TMEM132E: variants seen among roughly 807,000 people sequenced by gnomAD.
The protein encoded by TMEM132E is transmembrane protein 132E.
Under a neutral mutation model 78.5 loss-of-function variants are expected in TMEM132E, and 49 were observed. The observed-to-expected ratio is 0.62, with a 90% CI of 0.50 to 0.79. The LOEUF is 0.79. TMEM132E is among the 30% of genes least tolerant of loss of function. The pLI is 0.00. For missense variants in TMEM132E, 1,403 were observed against 1,470.9 expected, an observed-to-expected ratio of 0.95 and a Z score of 0.75; for synonymous variants, 715 against 670.6, an observed-to-expected ratio of 1.07 and a Z score of -1.02.
At chr17:34,601,022 G>A (rs1906222295) in intron 1 of TMEM132E, among the ~76,000 whole-genome samples, 1 of 152,190 alleles carries the variant, frequency 6.6e-6, no homozygotes, top group Non-Finnish European at 1.5e-5. Flanking sequence ...GGAGGCCATT[G>A]GGCTGGACAA....
At chr17:34,636,850 A>G (rs756619291) in intron 8 of TMEM132E, among the ~76,000 whole-genome samples, 2 of 152,216 alleles carry the variant, frequency 1.3e-5, no homozygotes, top group Non-Finnish European at 1.5e-5. Flanking sequence ...TTCCAGCAGC[A>G]GAAGGGACTT....
Position 34,637,629 on chromosome 17 carries a change from C to T in TMEM132E, c.2622C>T (p.Pro874=), listed in dbSNP as rs758993709. 1.9e-6 allele frequency: 3 copies of T among 1,604,912 alleles called. No homozygotes were observed. The South Asian group carries it at 3.3e-5, about 18-fold the overall frequency. ...VPPTEDFLPL[P]TGFLQVPRGL... is the part of the protein sequence containing the mutation. ...CCACAGAAGACTTCCTGCCGCTGCC[C>T]ACCGGCTTCCTGCAGGTGCCACGGG... The change falls in exon 9 of 9, where the codon CCC becomes CCT. Residue 874 remains proline, a synonymous_variant. Coordinates refer to ENST00000631683, the MANE Select transcript of TMEM132E (RefSeq NM_001304438.2).
intron 2 of TMEM132E, among the ~76,000 whole-genome samples, chr17:34,627,664 G>T (rs955480959): frequency 2.0e-5 from 3 of 152,074 alleles, no homozygotes; most frequent in African/African-American, 7.2e-5. Context: ...TTCACACTAG[G>T]AATCTGTGGT....
At position 34,638,192 on chromosome 17, in the gene TMEM132E, A is replaced by G. The variant is rs1453508713; in HGVS notation, c.3185A>G (p.Asp1062Gly). The G allele has an allele frequency of 1.5e-5, 24 of 1,604,460 alleles. No individual in the cohort carries two copies. The highest frequency in any genetic ancestry group is 2.0e-5 in the Non-Finnish European group (24 of 1,176,872). ...AGPTRPTAPP[D>G]LHNYMRRIKE... ...CCCACGCGGCCCACTGCACCCCCGGACCTGCACAATTACATGCGCAGAATC... is the reference window on the plus strand; with the variant it reads ...CCCACGCGGCCCACTGCACCCCCGGGCCTGCACAATTACATGCGCAGAATC... The change falls in exon 9 of 9, where the codon GAC becomes GGC. Residue 1062 changes from aspartate (D) to glycine (G), a missense_variant. Asp to Gly is a moderately conservative substitution (Grantham distance 94). Transcript: ENST00000631683.
At chr17:34,637,091 C>A in intron 8 of TMEM132E, 86 bp from the exon 9 acceptor site, 1 of 1,222,968 alleles carries the variant, frequency 8.2e-7, no homozygotes. Context: ...ACCCGTGGTC[C>A]CTGCCCCTAC....
intron 1 of TMEM132E, among the ~76,000 whole-genome samples, chr17:34,619,329 C>T (rs73284078): frequency 0.057 from 8,631 of 151,418 alleles, 677 homozygotes; most frequent in East Asian, 0.17. Context: ...ACAGCCTCTT[C>T]AGCATCTTCA....
chr17:34,603,858 C>G (rs1273525982), intron 1 of TMEM132E, among the ~76,000 whole-genome samples: 2 of 152,224 alleles, frequency 1.3e-5, no homozygotes, highest in Non-Finnish European at 2.9e-5. Flanking sequence ...TCTCCTGTGG[C>G]TATTCCATGA....
At position 34,609,342 on chromosome 17, in the gene TMEM132E, G is replaced by A. The variant is rs576651382; in HGVS notation, c.68-16785G>A. Among the ~76,000 whole-genome samples the A allele has an allele frequency of 2.8e-4, 43 of 152,278 alleles. No individual in the cohort carries two copies. In the South Asian group the frequency reaches 7.7e-3, roughly 27 times the overall value. ...AGTGAAGTGAGATGGGGAGAGGTGG[G>A]GAGGAAGAGGAACACAACTGTGAGC... On this transcript the variant is annotated intron_variant, in intron 1 of 8. Coordinates refer to ENST00000631683, the MANE Select transcript of TMEM132E (RefSeq NM_001304438.2).
chr17:34,628,521 T>C, intron 2 of TMEM132E, 42 bp from the exon 3 acceptor site: 1 of 1,610,100 alleles, frequency 6.2e-7, no homozygotes, highest in African/African-American at 1.3e-5. Flanking sequence ...CTTTGGGCTG[T>C]AGCCTGACCC....
intron 4 of TMEM132E, 55 bp downstream of exon 4, chr17:34,629,259 A>G: frequency 6.4e-7 from 1 of 1,571,646 alleles, no homozygotes; most frequent in Non-Finnish European, 8.7e-7. Flanking sequence ...ATGTGTGCAC[A>G]TTTGTGTGAC....
intron 1 of TMEM132E, among the ~76,000 whole-genome samples, chr17:34,609,436 G>A (rs1452561916): frequency 6.6e-6 from 1 of 152,192 alleles, no homozygotes; most frequent in African/African-American, 2.4e-5. Flanking sequence ...CAGAACCAGA[G>A]CAGGGGAGCT....
chr17:34,614,305 C>T (rs1486758343), intron 1 of TMEM132E: 1 of 152,296 alleles, frequency 6.6e-6, no homozygotes, highest in Non-Finnish European at 1.5e-5. Flanking sequence ...CCCTGAGACC[C>T]CCACGCAGCC....
rs754416402 is a variant in TMEM132E at position 34,637,188 on chromosome 17, G to A, written c.2181G>A (p.Leu727=). The change falls in exon 9 of 9, where the codon CTG becomes CTA. Residue 727 remains leucine, a synonymous_variant. Transcript: ENST00000631683. ...TLSFLKQEAL[L]SLWLSYSDGT... is the part of the protein sequence containing the mutation. ...TCCTTCTCCTCCAGGAAGCCCTACT[G>A]AGCCTCTGGCTCTCCTACAGTGATG... The A allele has an allele frequency of 6.2e-7, 1 of 1,601,080 alleles. No homozygotes were observed. The highest frequency in any genetic ancestry group is 1.7e-5 in the Admixed American group (1 of 59,688).
intron 1 of TMEM132E, among the ~76,000 whole-genome samples, chr17:34,586,141 CCT>C (rs1905669296): frequency 6.6e-6 from 1 of 152,112 alleles, no homozygotes; most frequent in Admixed American, 6.5e-5. Context: ...CAAGCACACG[CCT>C]CTCTCCCCTG....
chr17:34,617,260 C>A (rs1412837979), intron 1 of TMEM132E, among the ~76,000 whole-genome samples: 1 of 152,248 alleles, frequency 6.6e-6, no homozygotes, highest in African/African-American at 2.4e-5. Flanking sequence ...CGCAGCAGAT[C>A]AGTGACAGAG....
chr17:34,628,456 C>G, intron 2 of TMEM132E, 107 bp from the exon 3 acceptor site: 2 of 1,327,428 alleles, frequency 1.5e-6, no homozygotes, highest in Non-Finnish European at 2.0e-6. Context: ...GGTAACTTAG[C>G]TTATCTGTTC....
intron 1 of TMEM132E, among the ~76,000 whole-genome samples, chr17:34,602,858 C>G (rs1906285983): frequency 6.6e-6 from 1 of 152,286 alleles, no homozygotes; most frequent in Admixed American, 6.5e-5. Context: ...CCATTGGCGC[C>G]AAGGGCAGAA....
chr17:34,615,712 G>A (rs549103770), intron 1 of TMEM132E, among the ~76,000 whole-genome samples: 2 of 151,972 alleles, frequency 1.3e-5, no homozygotes, highest in African/African-American at 4.8e-5. Flanking sequence ...GGCAAGTTGA[G>A]CCCCAGTCAG....
In TMEM132E at chr17:34,637,895, C is replaced by T; in HGVS notation, c.2888C>T (p.Ala963Val). Residue 963 changes from alanine (A) to valine (V), a missense_variant, in exon 9 of 9, where the codon GCC (alanine) becomes GTC (valine). Around this residue, in one of 3 missense-constraint regions of TMEM132E, gnomAD observed 888 missense variants for 952.8 expected, o/e 0.93. Coordinates refer to ENST00000631683, the MANE Select transcript of TMEM132E (RefSeq NM_001304438.2). Reference sequence around the variant, plus strand: ...GGCAACCCGCTGGAAACCGTGCCCGCCTTCTGCCACGGCGACCACCACAGC... The same window carrying T: ...GGCAACCCGCTGGAAACCGTGCCCGTCTTCTGCCACGGCGACCACCACAGC... ...PAGNPLETVP[A>V]FCHGDHHSSG... The T allele has an allele frequency of 6.2e-7, 1 of 1,606,758 alleles. No individual in the cohort carries two copies. The highest frequency in any genetic ancestry group is 8.5e-7 in the Non-Finnish European group (1 of 1,178,918).
Sources: gnomAD v4.1 joint callset for allele counts (sites outside exome capture counted in the v4.1 genomes callset) on GRCh38, gnomAD v4.1.1 for gene constraint, gnomAD v4.1.1 regional missense constraint, MANE v1.5 for transcripts, NCBI Gene and HGNC (gene_info 2026-07-23, HGNC 2026-07-21) for gene names.